Variants in ABI1 observed in about 807,000 individuals in gnomAD.
The protein encoded by ABI1 is Abelson interactor 1.
In ABI1, 14 loss-of-function variants were observed where a neutral mutation model predicts 54.6. The ratio of observed to expected loss-of-function variants is 0.26; its 90% CI spans 0.17 to 0.40. The LOEUF (loss-of-function observed/expected upper bound fraction) is 0.40. Among genes scored for constraint, ABI1 ranks in the 10% least tolerant of loss-of-function variants. The probability of loss-of-function intolerance (pLI) is 1.00; values close to 1 mark genes in which losing one functional copy is unlikely to be tolerated. For missense variants in ABI1, 443 were observed against 598.3 expected (o/e 0.74, Z 2.71); for synonymous variants, 194 against 209.3 (o/e 0.93, Z 0.63).
intron 2 of ABI1, among the ~76,000 whole-genome samples, chr10:26,815,016 A>T (rs975995918): frequency 1.3e-5 from 2 of 152,198 alleles, no homozygotes; most frequent in African/African-American, 4.8e-5. Context: ...TATAAAGCAG[A>T]ATTTTAACTA....
At chr10:26,851,051 T>C (rs1337216168) in intron 1 of ABI1, among the ~76,000 whole-genome samples, 2 of 149,660 alleles carry the variant, frequency 1.3e-5, no homozygotes, top group East Asian at 3.9e-4. Context: ...AAACCAACCA[T>C]GCAAAATGAT....
intron 1 of ABI1, among the ~76,000 whole-genome samples, chr10:26,830,773 A>G (rs2048618382): frequency 1.3e-5 from 2 of 152,206 alleles, no homozygotes; most frequent in Admixed American, 6.5e-5. Flanking sequence ...AATTTTAAAT[A>G]TTCTAGTAGG....
At chr10:26,760,855 T>C (rs560778179) in intron 7 of ABI1, among the ~76,000 whole-genome samples, 10 of 123,142 alleles carry the variant, frequency 8.1e-5, no homozygotes, top group Admixed American at 4.1e-4. Flanking sequence ...CACCACTGCA[T>C]TCCAGCCTGA....
intron 2 of ABI1, among the ~76,000 whole-genome samples, chr10:26,818,631 C>CAAAAAAAAAAAAAAAAAAAAAA (rs376157276): frequency 4.1e-5 from 3 of 73,088 alleles, no homozygotes; most frequent in African/African-American, 1.7e-4. Context: ...GACCCCGTCA[C>CAAAAAAAAAAAAAAAAAAAAAA]AAAAAAAAAA....
chr10:26,812,902 G>C (rs2047329426), intron 2 of ABI1, among the ~76,000 whole-genome samples: 1 of 152,206 alleles, frequency 6.6e-6, no homozygotes, highest in African/African-American at 2.4e-5. Flanking sequence ...TTGGCGGGGG[G>C]ACACACAACT....
At chr10:26,782,777 A>T (rs1219697598) in intron 2 of ABI1, among the ~76,000 whole-genome samples, 1 of 152,090 alleles carries the variant, frequency 6.6e-6, no homozygotes, top group African/African-American at 2.4e-5. Context: ...AAGACACTCA[A>T]TACCACTTAT....
intron 2 of ABI1, among the ~76,000 whole-genome samples, chr10:26,785,295 G>A (rs573054244): frequency 1.3e-5 from 2 of 152,230 alleles, no homozygotes; most frequent in Non-Finnish European, 2.9e-5. Context: ...GTGAGTAGAG[G>A]GACTGACTCA....
chr10:26,765,651 G>A (rs1257253376), intron 6 of ABI1, among the ~76,000 whole-genome samples: 1 of 150,200 alleles, frequency 6.7e-6, no homozygotes, highest in Non-Finnish European at 1.5e-5. Context: ...GAGGGAGGAA[G>A]GGAAAGGAGA....
chr10:26,803,563 A>C lies in ABI1; in HGVS notation c.285+19575T>G, dbSNP rs146624309. ...CTACGTTATCCTTTTCAATTTCCCA[A>C]ATTTTGACTTTTTCAGGAAACAGGC... is the stretch of plus-strand genomic sequence containing the variant. On this transcript the variant is annotated intron_variant, in intron 2 of 10. Coordinates refer to ENST00000376140, the MANE Select transcript of ABI1 (RefSeq NM_001012750.3). 5.3e-4 allele frequency among the ~76,000 whole-genome samples: 81 copies of C among 152,334 alleles called. 1 individual carries two copies. In the East Asian group the frequency reaches 0.013, roughly 25 times the overall value.
At chr10:26,819,461 A>T (rs983949038) in intron 2 of ABI1, among the ~76,000 whole-genome samples, 12 of 152,344 alleles carry the variant, frequency 7.9e-5, no homozygotes, top group African/African-American at 2.9e-4. Flanking sequence ...GCAAAGAAAA[A>T]TAGACATTCA....
rs368005304 is a variant in ABI1 at position 26,822,580 on chromosome 10, A to C, written c.285+558T>G. Among the ~76,000 whole-genome samples the C allele has an allele frequency of 1.3e-5, 2 of 151,980 alleles. 1 individual carries two copies. On this transcript the variant is annotated intron_variant, in intron 2 of 10. Transcript: ENST00000376140. ...TGAATGAATCTCAAAATAATTATCC[A>C]TAGTAAAACATGCCAGACCAAAAAA...
At chr10:26,853,924 C>G (rs2050615427) in intron 1 of ABI1, among the ~76,000 whole-genome samples, 1 of 152,158 alleles carries the variant, frequency 6.6e-6, no homozygotes, top group South Asian at 2.1e-4. Context: ...TTGATCCAAC[C>G]TCTTGTCCCA....
chr10:26,818,069 G>A (rs2047694720), intron 2 of ABI1, among the ~76,000 whole-genome samples: 1 of 148,602 alleles, frequency 6.7e-6, no homozygotes, highest in South Asian at 2.1e-4. Flanking sequence ...TGAGGCAGGA[G>A]GATGGCTTGA....
intron 2 of ABI1, among the ~76,000 whole-genome samples, chr10:26,802,760 T>A (rs2133394077): frequency 6.6e-6 from 1 of 152,288 alleles, no homozygotes; most frequent in East Asian, 1.9e-4. Flanking sequence ...AGGCAGTACC[T>A]GTGTCCGGAC....
At chr10:26,751,879 C>T in intron 9 of ABI1, 96 bp from the exon 10 acceptor site, 1 of 1,082,534 alleles carries the variant, frequency 9.2e-7, no homozygotes, top group South Asian at 1.9e-5. Context: ...TTAAGTACAG[C>T]ATGCACTATA....
chr10:26,768,746 A>G (rs1228451273), intron 6 of ABI1, 106 bp downstream of exon 6: 2 of 794,984 alleles, frequency 2.5e-6, no homozygotes, highest in Non-Finnish European at 3.8e-6. Flanking sequence ...ATTTTATATT[A>G]GCATTAGAGT....
At chr10:26,821,792 CTT>C (rs1333577665) in intron 2 of ABI1, among the ~76,000 whole-genome samples, 1 of 141,388 alleles carries the variant, frequency 7.1e-6, no homozygotes, top group Non-Finnish European at 1.5e-5. Flanking sequence ...GAGCAAGACT[CTT>C]GTCTCAAAAA....
rs2048603465 is a variant in ABI1 at position 26,830,623 on chromosome 10, T to TA, written c.118-7319_118-7318insT. Among the ~76,000 whole-genome samples, 20 of 131,490 alleles carry TA rather than the reference T, an allele frequency of 1.5e-4. No homozygotes were observed. In the East Asian group the frequency reaches 4.3e-3, roughly 28 times the overall value. 86.3% of individuals were successfully genotyped at this position (131,490 alleles called of 152,430 possible). ...GCAACAGAACAAGACCCTGTCTCCT[T>TA]TAAAAAAAAAAAAAAAAACAAAACT... is the stretch of plus-strand genomic sequence containing the variant. On this transcript the variant is annotated intron_variant, in intron 1 of 10. Coordinates refer to ENST00000376140, the MANE Select transcript of ABI1 (RefSeq NM_001012750.3).
intron 1 of ABI1, among the ~76,000 whole-genome samples, chr10:26,846,141 C>CAAAA (rs76596179): frequency 8.2e-6 from 1 of 122,696 alleles, no homozygotes; most frequent in African/African-American, 3.0e-5. Flanking sequence ...GACTCCGTCT[C>CAAAA]AAAAAAAAAA....
Sources: allele counts gnomAD v4.1 joint callset (sites outside exome capture counted in the v4.1 genomes callset), GRCh38; gene constraint gnomAD v4.1.1; transcripts MANE v1.5; gene names NCBI Gene and HGNC (gene_info 2026-07-23, HGNC 2026-07-21).